TANK: variants seen among roughly 807,000 people sequenced by gnomAD.
TANK encodes TRAF family member-associated NF-kappa-B activator.
A neutral mutation model predicts 43.6 loss-of-function variants in TANK; 15 were observed. The ratio of observed to expected loss-of-function variants is 0.34; its 90% CI spans 0.23 to 0.53. The LOEUF is 0.53. TANK is among the 20% of genes least tolerant of loss of function. The probability of loss-of-function intolerance (pLI) is 0.94; values close to 1 mark genes in which losing one functional copy is unlikely to be tolerated. For synonymous variants in TANK, 162 were observed against 178.2 expected (o/e 0.91, Z 0.73); for missense variants, 417 against 498.6 (o/e 0.84, Z 1.56).
chr2:161,212,691 T>C (rs1558999386), intron 4 of TANK: 9 of 985,268 alleles, frequency 9.1e-6, no homozygotes, highest in Non-Finnish European at 1.1e-5. Context: ...CTCACACTTC[T>C]CTTTATTTAA....
intron 7 of TANK, chr2:161,232,936 T>C: frequency 7.3e-7 from 1 of 1,373,118 alleles, no homozygotes; most frequent in Non-Finnish European, 9.8e-7. Context: ...AGCAAAGAAA[T>C]TAGTTTGTTT....
chr2:161,175,237 A>C (rs574923286), intron 1 of TANK, among the ~76,000 whole-genome samples: 2 of 152,284 alleles, frequency 1.3e-5, no homozygotes, highest in East Asian at 3.9e-4. Context: ...TATTTTATCA[A>C]ATAAGCATAT....
chr2:161,137,418 A>G (rs1330734325), intron 1 of TANK, among the ~76,000 whole-genome samples: 1 of 152,004 alleles, frequency 6.6e-6, no homozygotes, highest in Non-Finnish European at 1.5e-5. Flanking sequence ...AAAATTTTAA[A>G]TTTTTTTTAA....
intron 4 of TANK, among the ~76,000 whole-genome samples, chr2:161,211,323 G>T (rs1686877549): frequency 1.3e-5 from 2 of 152,134 alleles, no homozygotes; most frequent in South Asian, 2.1e-4. Flanking sequence ...CAAGTGCAGT[G>T]CCCACTTAGG....
At chr2:161,194,817 T>C (rs1686072353) in intron 2 of TANK, among the ~76,000 whole-genome samples, 1 of 152,072 alleles carries the variant, frequency 6.6e-6, no homozygotes, top group South Asian at 2.1e-4. Flanking sequence ...AAAATGTAAA[T>C]GGCCTCATTA....
intron 1 of TANK, among the ~76,000 whole-genome samples, chr2:161,178,449 A>T (rs1035034812): frequency 6.6e-6 from 1 of 151,828 alleles, no homozygotes; most frequent in Admixed American, 6.6e-5. Context: ...TCAAAAATAG[A>T]CAAATTCGTA....
intron 2 of TANK, chr2:161,180,279 T>G: frequency 3.9e-6 from 1 of 256,098 alleles, no homozygotes; most frequent in Non-Finnish European, 6.1e-6. Context: ...AGTTTCAGCT[T>G]TTACAATTAT....
At chr2:161,216,386 C>T (rs1444326725) in intron 4 of TANK, 2 of 469,032 alleles carry the variant, frequency 4.3e-6, no homozygotes, top group Non-Finnish European at 8.8e-6. Flanking sequence ...ACCTGTGCTG[C>T]AGCCTGAGAC....
chr2:161,183,151 C>G (rs1453502541), intron 2 of TANK, among the ~76,000 whole-genome samples: 1 of 152,142 alleles, frequency 6.6e-6, no homozygotes, highest in Non-Finnish European at 1.5e-5. Flanking sequence ...ATAAAACTAG[C>G]TGTCATTCAT....
chr2:161,184,622 A>C (rs557714192), intron 2 of TANK, among the ~76,000 whole-genome samples: 1 of 152,250 alleles, frequency 6.6e-6, no homozygotes, highest in Admixed American at 6.5e-5. Context: ...TAGGAGATAA[A>C]ATGGAAAGCA....
At position 161,235,474 on chromosome 2, in the gene TANK, G is replaced by C. The variant is rs539382186; in HGVS notation, c.1234G>C (p.Asp412His). The C allele has an allele frequency of 1.2e-6, 2 of 1,613,576 alleles. No individual in the cohort carries two copies. The highest frequency in any genetic ancestry group is 1.3e-5 in the African/African-American group (1 of 74,866). Reference protein sequence around the residue: ...VFPPSITSRGDFLRHLNSHFN... With the variant: ...VFPPSITSRGHFLRHLNSHFN... ...CCCACCATCCATTACATCCAGGGGG[G>C]ATTTCCTTCGGCATCTTAATTCACA... The change falls in exon 8 of 8, where the codon GAT (aspartate) becomes CAT (histidine). Residue 412 changes from aspartate to histidine, a missense_variant. Transcript: ENST00000392749.
At chr2:161,229,949 T>C (rs1202341607) in intron 6 of TANK, among the ~76,000 whole-genome samples, 1 of 152,222 alleles carries the variant, frequency 6.6e-6, no homozygotes, top group East Asian at 1.9e-4. Flanking sequence ...GATTGTTTTT[T>C]TGTATTGAGC....
intron 1 of TANK, among the ~76,000 whole-genome samples, chr2:161,154,497 C>T (rs1394633793): frequency 6.6e-6 from 1 of 152,014 alleles, no homozygotes; most frequent in Non-Finnish European, 1.5e-5. Context: ...GAAAGTGAGG[C>T]AAACAATTAG....
intron 7 of TANK, among the ~76,000 whole-genome samples, chr2:161,232,425 C>T (rs139898193): frequency 1.4e-3 from 210 of 152,228 alleles, no homozygotes; most frequent in African/African-American, 4.8e-3. Flanking sequence ...TACCCTTTTG[C>T]TTTAAGTACA....
At position 161,235,628 on chromosome 2, in the gene TANK, T is replaced by C. The variant is rs1688140809; in HGVS notation, c.*110T>C. The C allele has an allele frequency of 3.4e-6, 3 of 880,068 alleles. No homozygotes were observed. Among genetic ancestry groups the C allele is most frequent in the African/African-American group, 3.5e-5 (2 of 56,960 alleles). 54.5% of individuals were successfully genotyped at this position (880,068 alleles called of 1,614,324 possible). ...CAAGATCATTTATAGGAAAATCTAG[T>C]TTCACAGCTATTTGAATTTTTTTCT... On this transcript the variant is annotated 3_prime_UTR_variant, in exon 8 of 8. Coordinates refer to ENST00000392749, the MANE Select transcript of TANK (RefSeq NM_001199135.3).
rs961706278 is a variant in TANK, at chr2:161,236,151, A to G, written c.*633A>G. 6.6e-6 allele frequency: 1 copy of G among 151,390 alleles called. No individual in the cohort carries two copies. Among genetic ancestry groups the G allele is most frequent in the Non-Finnish European group, 1.5e-5 (1 of 67,882 alleles). 9.4% of individuals were successfully genotyped at this position (151,390 alleles called of 1,614,324 possible). On this transcript the variant is annotated 3_prime_UTR_variant, in exon 8 of 8. Transcript: ENST00000392749. ...ACTGTGTGTATAGCTACATGATGAA[A>G]TTAATTAAATATTAAGAGGTACTTA...
chr2:161,141,313 G>GTGT (rs1240972979), intron 1 of TANK, among the ~76,000 whole-genome samples: 1 of 152,114 alleles, frequency 6.6e-6, no homozygotes, highest in Non-Finnish European at 1.5e-5. Flanking sequence ...AAACCAGACA[G>GTGT]TGTGACTTTC....
At chr2:161,145,661 C>G (rs558474017) in intron 1 of TANK, among the ~76,000 whole-genome samples, 1 of 152,068 alleles carries the variant, frequency 6.6e-6, no homozygotes, top group Admixed American at 6.5e-5. Flanking sequence ...CCACTCTCTT[C>G]TGGCTTGTAG....
chr2:161,153,249 T>G (rs1684127633), intron 1 of TANK, among the ~76,000 whole-genome samples: 1 of 152,116 alleles, frequency 6.6e-6, no homozygotes, highest in Admixed American at 6.5e-5. Flanking sequence ...TTCTTTTAGT[T>G]CTTTGTCCAT....
Sources: gnomAD v4.1 joint callset for allele counts (sites outside exome capture counted in the v4.1 genomes callset) on GRCh38, gnomAD v4.1.1 for gene constraint, MANE v1.5 for transcripts, NCBI Gene and HGNC (gene_info 2026-07-23, HGNC 2026-07-21) for gene names.